ARSB: variants seen among roughly 807,000 people sequenced by gnomAD.
ARSB encodes arylsulfatase B, also known as N-acetylgalactosamine-4-sulfatase.
In ARSB, 41 loss-of-function variants were observed where a neutral mutation model predicts 50.9. That is an observed-to-expected ratio of 0.81 (90% confidence interval 0.63 to 1.04). The LOEUF is 1.04. Ranked by LOEUF, ARSB falls within the 50% of genes least tolerant of loss-of-function variation. ARSB has a pLI of 0.00. For synonymous variants in ARSB, 269 were observed against 284.8 expected (o/e 0.94, Z 0.56); for missense variants, 672 against 693.3 (o/e 0.97, Z 0.35).
intron 5 of ARSB, among the ~76,000 whole-genome samples, chr5:78,858,030 A>G (rs887859312): frequency 1.6e-4 from 24 of 152,184 alleles, no homozygotes; most frequent in African/African-American, 2.4e-5. Flanking sequence ...AGTGACTTAC[A>G]CAATCATGTG....
At chr5:78,796,971 G>C (rs887123133) in intron 6 of ARSB, among the ~76,000 whole-genome samples, 2 of 149,054 alleles carry the variant, frequency 1.3e-5, no homozygotes, top group Non-Finnish European at 1.5e-5. Flanking sequence ...TCCGCCTCCC[G>C]GGTTCACGCC....
At chr5:78,971,563 T>G (rs977364316) in intron 1 of ARSB, among the ~76,000 whole-genome samples, 2 of 152,230 alleles carry the variant, frequency 1.3e-5, no homozygotes, top group African/African-American at 4.8e-5. Context: ...TGGAATAGCA[T>G]AAGGCTCAGA....
At chr5:78,800,761 A>G (rs1411464314) in intron 6 of ARSB, among the ~76,000 whole-genome samples, 1 of 152,228 alleles carries the variant, frequency 6.6e-6, no homozygotes, top group East Asian at 1.9e-4. Context: ...ACACAAGTTA[A>G]TTTAAGCATT....
At chr5:78,941,865 T>A (rs1271515725) in intron 4 of ARSB, among the ~76,000 whole-genome samples, 4 of 152,342 alleles carry the variant, frequency 2.6e-5, no homozygotes, top group African/African-American at 9.6e-5. Context: ...TGGTACCAGT[T>A]CCTCCTTGTA....
At chr5:78,925,484 T>C (rs1750001737) in intron 4 of ARSB, among the ~76,000 whole-genome samples, 1 of 152,162 alleles carries the variant, frequency 6.6e-6, no homozygotes, top group Non-Finnish European at 1.5e-5. Flanking sequence ...TAAATCCTTT[T>C]TATTACTATT....
chr5:78,967,688 A>G (rs544029204), intron 2 of ARSB, among the ~76,000 whole-genome samples: 1 of 152,030 alleles, frequency 6.6e-6, no homozygotes, highest in East Asian at 1.9e-4. Context: ...AAAAAAAAAA[A>G]AGAAATTTCA....
intron 5 of ARSB, among the ~76,000 whole-genome samples, chr5:78,847,770 T>C (rs1745513081): frequency 6.6e-6 from 1 of 152,136 alleles, no homozygotes; most frequent in Admixed American, 6.5e-5. Context: ...GGTTTTCTAT[T>C]TCTTCTTGGT....
intron 6 of ARSB, among the ~76,000 whole-genome samples, chr5:78,819,795 C>T (rs1212720995): frequency 1.3e-5 from 2 of 152,138 alleles, no homozygotes; most frequent in Non-Finnish European, 2.9e-5. Flanking sequence ...AGCCAAGGGG[C>T]CTGGGAGGCC....
intron 6 of ARSB, among the ~76,000 whole-genome samples, chr5:78,788,246 G>A (rs1749148373): frequency 6.6e-6 from 1 of 152,328 alleles, no homozygotes; most frequent in South Asian, 2.1e-4. Context: ...TTAGCCGTGT[G>A]TATTGATTTT....
At chr5:78,892,582 C>T (rs79688502) in intron 4 of ARSB, among the ~76,000 whole-genome samples, 2 of 152,078 alleles carry the variant, frequency 1.3e-5, no homozygotes, top group South Asian at 4.1e-4. Context: ...TAGGTAATTT[C>T]TTGAGAAGTG....
intron 6 of ARSB, among the ~76,000 whole-genome samples, chr5:78,828,427 C>A (rs970534270): frequency 6.6e-6 from 1 of 152,104 alleles, no homozygotes; most frequent in African/African-American, 2.4e-5. Flanking sequence ...GCTCACACAC[C>A]TTTTGCTCAC....
chr5:78,833,982 A>C (rs535756944), intron 6 of ARSB, among the ~76,000 whole-genome samples: 3 of 152,288 alleles, frequency 2.0e-5, no homozygotes, highest in African/African-American at 7.2e-5. Flanking sequence ...GTTTAAAAGG[A>C]GTATAAGTGG....
At chr5:78,826,436 A>T (rs1744434944) in intron 6 of ARSB, among the ~76,000 whole-genome samples, 1 of 152,224 alleles carries the variant, frequency 6.6e-6, no homozygotes, top group Non-Finnish European at 1.5e-5. Flanking sequence ...AAAAGAACAC[A>T]AAAGACTAAA....
At chr5:78,806,606 C>CT (rs1278966282) in intron 6 of ARSB, among the ~76,000 whole-genome samples, 11 of 152,226 alleles carry the variant, frequency 7.2e-5, no homozygotes, top group African/African-American at 2.7e-4. Flanking sequence ...AGTCACTCCT[C>CT]CTCACCCTGC....
At chr5:78,956,923 T>C (rs1192740282) in intron 3 of ARSB, among the ~76,000 whole-genome samples, 1 of 151,042 alleles carries the variant, frequency 6.6e-6, no homozygotes. Flanking sequence ...AGGTTTAGTA[T>C]TTTTAAACTA....
intron 6 of ARSB, among the ~76,000 whole-genome samples, chr5:78,833,131 G>A (rs190365209): frequency 6.6e-6 from 1 of 152,170 alleles, no homozygotes; most frequent in Non-Finnish European, 1.5e-5. Context: ...GGGCCTTGCA[G>A]GAGTGTGGAA....
At chr5:78,810,184 T>G (rs970356138) in intron 6 of ARSB, among the ~76,000 whole-genome samples, 2 of 152,212 alleles carry the variant, frequency 1.3e-5, no homozygotes, top group African/African-American at 2.4e-5. Context: ...TTTCTTTAAC[T>G]CTCATTTCTC....
At chr5:78,877,492 G>A (rs1045034934) in intron 5 of ARSB, among the ~76,000 whole-genome samples, 3 of 152,072 alleles carry the variant, frequency 2.0e-5, no homozygotes, top group East Asian at 1.9e-4. Context: ...GGGTTCAAGC[G>A]ATTCTCCTGC....
chr5:78,984,867 C>G, intron 1 of ARSB, 70 bp downstream of exon 1: 1 of 1,200,134 alleles, frequency 8.3e-7, no homozygotes, highest in Non-Finnish European at 1.0e-6. Context: ...CCTCAAGGGC[C>G]GGGTAGGAGC....
Sources: gnomAD v4.1 joint callset for allele counts (sites outside exome capture counted in the v4.1 genomes callset) on GRCh38, gnomAD v4.1.1 for gene constraint, MANE v1.5 for transcripts, NCBI Gene and HGNC (gene_info 2026-07-23, HGNC 2026-07-21) for gene names.